ELAVL2: variants seen among roughly 807,000 people sequenced by gnomAD.
ELAVL2 encodes ELAV like RNA binding protein 2, also known as ELAV-like protein 2.
Under a neutral mutation model 34.6 loss-of-function variants are expected in ELAVL2, and 4 were observed. That is an observed-to-expected ratio of 0.12 (90% CI 0.06 to 0.26). The LOEUF is 0.26. ELAVL2 is among the 10% of genes least tolerant of loss of function. The pLI, the probability that ELAVL2 is intolerant of heterozygous loss-of-function variation, is 1.00. For synonymous variants in ELAVL2, 193 were observed against 154.8 expected (o/e 1.25, Z -1.83); for missense variants, 432 against 442.8 (o/e 0.98, Z 0.22).
chr9:23,753,332 T>C (rs1395556887), intron 2 of ELAVL2, among the ~76,000 whole-genome samples: 3 of 152,086 alleles, frequency 2.0e-5, no homozygotes, highest in Non-Finnish European at 4.4e-5. Context: ...TTAGCTCCAA[T>C]AATCAACTAT....
At chr9:23,801,142 T>A (rs1057096170) in intron 1 of ELAVL2, among the ~76,000 whole-genome samples, 1 of 152,180 alleles carries the variant, frequency 6.6e-6, no homozygotes, top group Non-Finnish European at 1.5e-5. Flanking sequence ...TTCTCAAAAC[T>A]TTCTGTTTGG....
chr9:23,759,630 A>G (rs1445208518), intron 2 of ELAVL2, among the ~76,000 whole-genome samples: 1 of 151,120 alleles, frequency 6.6e-6, no homozygotes, highest in African/African-American at 2.4e-5. Flanking sequence ...TACACAATGT[A>G]TATAGCATCA....
chr9:23,803,205 A>C (rs1197571659), intron 1 of ELAVL2, among the ~76,000 whole-genome samples: 1 of 152,240 alleles, frequency 6.6e-6, no homozygotes, highest in Non-Finnish European at 1.5e-5. Context: ...CCTGATTTAT[A>C]AGAAAAAAAC....
At chr9:23,813,777 G>T (rs1440545387) in intron 1 of ELAVL2, among the ~76,000 whole-genome samples, 1 of 152,180 alleles carries the variant, frequency 6.6e-6, no homozygotes, top group Non-Finnish European at 1.5e-5. Flanking sequence ...GAGACTATAA[G>T]ATCTAAATAT....
At chr9:23,736,734 G>A (rs2047985671) in intron 2 of ELAVL2, among the ~76,000 whole-genome samples, 1 of 152,048 alleles carries the variant, frequency 6.6e-6, no homozygotes, top group South Asian at 2.1e-4. Context: ...ATCCTAATAG[G>A]ACAACCCTTG....
rs1478718312 is a variant in ELAVL2 at position 23,691,215 on chromosome 9, C to CA, written c.*1341dup. ...CCATTTACAAAGGAAAAAACTGATACAAAAACATTCAAAACCTGAACATCA... is the reference window on the plus strand; with the variant it reads ...CCATTTACAAAGGAAAAAACTGATACAAAAAACATTCAAAACCTGAACATCA... On this transcript the variant is annotated 3_prime_UTR_variant, in exon 7 of 7. Transcript: ENST00000397312. 8 of 152,250 alleles carry CA rather than the reference C, an allele frequency of 5.3e-5. No individual in the cohort carries two copies. The highest frequency in any genetic ancestry group is 8.8e-5 in the Non-Finnish European group (6 of 67,912). The allele number at this position is 152,250 out of a possible 1,614,324, so 9.4% of individuals were successfully genotyped here.
intron 1 of ELAVL2, among the ~76,000 whole-genome samples, chr9:23,801,256 A>G (rs896158680): frequency 2.0e-5 from 3 of 152,220 alleles, no homozygotes; most frequent in Admixed American, 2.0e-4. Flanking sequence ...ATGTTTTAAA[A>G]TAACATTTAA....
At chr9:23,782,232 T>C (rs910719667) in intron 1 of ELAVL2, among the ~76,000 whole-genome samples, 5 of 152,200 alleles carry the variant, frequency 3.3e-5, no homozygotes, top group African/African-American at 9.7e-5. Context: ...TCACACGCTA[T>C]AGCTATTCCT....
At chr9:23,745,083 G>A (rs1451853411) in intron 2 of ELAVL2, among the ~76,000 whole-genome samples, 3 of 151,862 alleles carry the variant, frequency 2.0e-5, no homozygotes, top group East Asian at 1.9e-4. Flanking sequence ...ACATGTCTGC[G>A]GTCCCAGCTA....
chr9:23,785,169 A>T (rs139308674), intron 1 of ELAVL2, among the ~76,000 whole-genome samples: 1 of 152,320 alleles, frequency 6.6e-6, no homozygotes, highest in Non-Finnish European at 1.5e-5. Flanking sequence ...AGAAGTACAT[A>T]TATCAAGGAA....
At chr9:23,812,354 A>G (rs2063126136) in intron 1 of ELAVL2, among the ~76,000 whole-genome samples, 1 of 152,170 alleles carries the variant, frequency 6.6e-6, no homozygotes, top group Non-Finnish European at 1.5e-5. Flanking sequence ...AAATTAGATT[A>G]ATTTGGAAAA....
chr9:23,735,124 A>AAAAAAAAAAAAAAAAAAAAAAAC (rs1564163319), intron 2 of ELAVL2: 1 of 148,154 alleles, frequency 6.7e-6, no homozygotes, highest in African/African-American at 2.5e-5. Flanking sequence ...AAAAAAAAAA[A>AAAAAAAAAAAAAAAAAAAAAAAC]AAAGCCCTTA....
At chr9:23,755,233 T>C (rs1250480431) in intron 2 of ELAVL2, among the ~76,000 whole-genome samples, 1 of 152,150 alleles carries the variant, frequency 6.6e-6, no homozygotes, top group African/African-American at 2.4e-5. Context: ...TTGTTTTTCC[T>C]AACAATGATA....
chr9:23,704,224 G>T (rs2038530352), intron 4 of ELAVL2, among the ~76,000 whole-genome samples: 1 of 151,512 alleles, frequency 6.6e-6, no homozygotes, highest in East Asian at 2.0e-4. Flanking sequence ...GAGCCACTGT[G>T]CCTGGCCAAG....
intron 3 of ELAVL2, among the ~76,000 whole-genome samples, chr9:23,728,163 T>G (rs2045702182): frequency 6.6e-6 from 1 of 151,848 alleles, no homozygotes; most frequent in Non-Finnish European, 1.5e-5. Flanking sequence ...GAACAGTGCT[T>G]AAGCCTAAAT....
intron 3 of ELAVL2, among the ~76,000 whole-genome samples, chr9:23,730,772 C>T (rs1393941041): frequency 1.3e-5 from 2 of 152,012 alleles, no homozygotes; most frequent in Non-Finnish European, 2.9e-5. Flanking sequence ...GACTTGATTC[C>T]GTAGGCTTCC....
chr9:23,792,592 T>G (rs1214354581), intron 1 of ELAVL2, among the ~76,000 whole-genome samples: 1 of 152,162 alleles, frequency 6.6e-6, no homozygotes, highest in Non-Finnish European at 1.5e-5. Context: ...ATGCTATCAC[T>G]TGCTCAAATA....
intron 1 of ELAVL2, among the ~76,000 whole-genome samples, chr9:23,779,749 A>C (rs779176297): frequency 6.6e-6 from 1 of 151,892 alleles, no homozygotes; most frequent in Admixed American, 6.6e-5. Flanking sequence ...CACAGCGCGG[A>C]AAGTTTCTGT....
At chr9:23,735,099 GCTCTT>G (rs1168886340) in intron 2 of ELAVL2, 6 of 19,960 alleles carry the variant, frequency 3.0e-4, no homozygotes, top group African/African-American at 1.0e-3. Flanking sequence ...CAAAGCTAAG[GCTCTT>G]CAAAAAAAAA....
Sources: allele counts gnomAD v4.1 joint callset (sites outside exome capture counted in the v4.1 genomes callset), GRCh38; gene constraint gnomAD v4.1.1; transcripts MANE v1.5; gene names NCBI Gene and HGNC (gene_info 2026-07-23, HGNC 2026-07-21).